The following AKAP12 variants were observed in gnomAD, a reference collection of about 807,000 sequenced individuals.
The protein encoded by AKAP12 is A-kinase anchor protein 12.
A neutral mutation model predicts 79.9 loss-of-function variants in AKAP12; 32 were observed. The ratio of observed to expected loss-of-function variants is 0.40; its 90% CI spans 0.30 to 0.54. AKAP12 has a LOEUF of 0.54. AKAP12 is among the 20% of genes least tolerant of loss of function. AKAP12 has a pLI of 0.48. For synonymous variants in AKAP12, 808 were observed against 857.0 expected, an observed-to-expected ratio of 0.94 and a Z score of 1.00; for missense variants, 2,074 against 2,177.0, an observed-to-expected ratio of 0.95 and a Z score of 0.94.
intron 2 of AKAP12, among the ~76,000 whole-genome samples, chr6:151,256,131 A>C (rs557150220): frequency 6.6e-6 from 1 of 152,330 alleles, no homozygotes; most frequent in South Asian, 2.1e-4. Context: ...CGAGAGAAAG[A>C]ACCACTGAAT....
rs1429611874 is a variant in AKAP12 at position 151,357,386 on chromosome 6, C to T, written c.*1672C>T. The T allele has an allele frequency of 6.6e-6, 1 of 152,154 alleles. No homozygotes were observed. The highest frequency in any genetic ancestry group is 2.4e-5 in the African/African-American group (1 of 41,426). The allele number at this position is 152,154 out of a possible 1,614,324, so 9.4% of individuals were successfully genotyped here. A position where few individuals can be genotyped will look rare whatever the true frequency, so the allele number is the denominator to read the frequency against. Reference sequence around the variant, plus strand: ...TCTACTCTTGACACACAGAACTGGCCTGGCATATAGCTTTCCAGATTTTAC... The same window carrying T: ...TCTACTCTTGACACACAGAACTGGCTTGGCATATAGCTTTCCAGATTTTAC... On this transcript the variant is annotated 3_prime_UTR_variant, in exon 5 of 5. Transcript: ENST00000402676.
At chr6:151,324,589 C>T in intron 3 of AKAP12, 1 of 985,386 alleles carries the variant, frequency 1.0e-6, no homozygotes, top group Non-Finnish European at 1.2e-6. Context: ...ACAAGATCTT[C>T]ATTCTCTGAA....
chr6:151,305,065 C>T (rs970200445), intron 2 of AKAP12, among the ~76,000 whole-genome samples: 6 of 152,328 alleles, frequency 3.9e-5, no homozygotes, highest in African/African-American at 1.2e-4. Context: ...CTCTGCACCC[C>T]GTTTATCCTT....
At chr6:151,324,153 A>G (rs1777465271) in intron 3 of AKAP12, 1 of 985,252 alleles carries the variant, frequency 1.0e-6, no homozygotes, top group African/African-American at 1.7e-5. Context: ...AATTTGTGAA[A>G]TAGAGTTGAG....
intron 2 of AKAP12, among the ~76,000 whole-genome samples, chr6:151,242,205 C>A (rs1796991933): frequency 6.6e-6 from 1 of 152,208 alleles, no homozygotes; most frequent in African/African-American, 2.4e-5. Context: ...TAAAAACTTG[C>A]AGTTGGGTGA....
At chr6:151,282,526 A>G (rs540633865) in intron 2 of AKAP12, among the ~76,000 whole-genome samples, 1 of 152,256 alleles carries the variant, frequency 6.6e-6, no homozygotes, top group South Asian at 2.1e-4. Flanking sequence ...CCCAGGGAAG[A>G]GGCTTGCATA....
intron 3 of AKAP12, among the ~76,000 whole-genome samples, chr6:151,323,555 A>AC (rs951554790): frequency 2.2e-5 from 3 of 136,144 alleles, no homozygotes; most frequent in African/African-American, 8.3e-5. Context: ...CTCCATCTCA[A>AC]AAAAAAAAAA....
At chr6:151,254,273 G>C (rs1442274289) in intron 2 of AKAP12, among the ~76,000 whole-genome samples, 1 of 152,010 alleles carries the variant, frequency 6.6e-6, no homozygotes, top group Non-Finnish European at 1.5e-5. Flanking sequence ...CAGTTGATTG[G>C]TTTTATAGCT....
intron 2 of AKAP12, among the ~76,000 whole-genome samples, chr6:151,253,437 A>G: frequency 6.6e-6 from 1 of 152,120 alleles, no homozygotes; most frequent in Non-Finnish European, 1.5e-5. Context: ...TGTGTTGCCC[A>G]GGCTGGTCTC....
chr6:151,303,202 TA>T (rs1018481325), intron 2 of AKAP12, among the ~76,000 whole-genome samples: 4 of 151,726 alleles, frequency 2.6e-5, no homozygotes, highest in Non-Finnish European at 5.9e-5. Context: ...AAAATAAAAA[TA>T]AAAAAAAGAA....
intron 2 of AKAP12, among the ~76,000 whole-genome samples, chr6:151,276,695 C>A (rs1388984285): frequency 6.6e-6 from 1 of 152,220 alleles, no homozygotes; most frequent in Non-Finnish European, 1.5e-5. Flanking sequence ...ACTAGGGGAT[C>A]CAAGACTTGA....
intron 2 of AKAP12, among the ~76,000 whole-genome samples, chr6:151,293,023 A>G (rs898838848): frequency 8.5e-5 from 13 of 152,282 alleles, no homozygotes; most frequent in African/African-American, 3.1e-4. Flanking sequence ...AATTTTTTGA[A>G]CTTTAAAATC....
At chr6:151,292,588 G>A (rs1488634863) in intron 2 of AKAP12, among the ~76,000 whole-genome samples, 3 of 152,162 alleles carry the variant, frequency 2.0e-5, no homozygotes, top group East Asian at 1.9e-4. Flanking sequence ...AGTTTTTGCC[G>A]GATGAGGAAC....
In AKAP12 at chr6:151,350,224, A is replaced by G. The variant is rs1778243034; in HGVS notation, c.1833A>G (p.Ala611=). ...AAAGAGAAGGTGTCACTCCCTGGGCATCATTCAAAAAGATGGTGACGCCCA... is the reference window on the plus strand; with the variant it reads ...AAAGAGAAGGTGTCACTCCCTGGGCGTCATTCAAAAAGATGGTGACGCCCA... The part of the protein sequence containing the change: ...EKKREGVTPW[A]SFKKMVTPKK... The change falls in exon 4 of 5, where the codon GCA becomes GCG. Residue 611 remains alanine, a synonymous_variant. Transcript: ENST00000402676. This position sits in a 1 kb window ranked among gnomAD's most constrained non-coding sequence, Gnocchi z 4.8. 3.1e-6 allele frequency: 5 copies of G among 1,614,098 alleles called. No homozygotes were observed. Among genetic ancestry groups the G allele is most frequent in the African/African-American group, 1.3e-5 (1 of 75,032 alleles).
At chr6:151,341,674 A>C (rs1777953043) in intron 3 of AKAP12, 1 of 1,178,188 alleles carries the variant, frequency 8.5e-7, no homozygotes, top group Non-Finnish European at 1.1e-6. Flanking sequence ...GCCCTGGTGG[A>C]GTAAACTCTG....
At position 151,356,294 on chromosome 6, in the gene AKAP12, G is replaced by C. The variant is rs1287009485; in HGVS notation, c.*580G>C. The stretch of plus-strand genomic sequence containing the variant: ...TTCTTTAAAATTCACTAATGATTGA[G>C]GTCCATATTTAGTGGTACTCTGAAA... On this transcript the variant is annotated 3_prime_UTR_variant, in exon 5 of 5. Transcript: ENST00000402676. 1 of 152,522 alleles carries C rather than the reference G, an allele frequency of 6.6e-6. No individual in the cohort carries two copies. The allele number at this position is 152,522 out of a possible 1,614,324, so 9.4% of individuals were successfully genotyped here.
chr6:151,289,786 A>C (rs755559148), intron 2 of AKAP12, among the ~76,000 whole-genome samples: 1 of 152,208 alleles, frequency 6.6e-6, no homozygotes, highest in Non-Finnish European at 1.5e-5. Flanking sequence ...CACCAGGTTA[A>C]CTTTGTAAAG....
chr6:151,265,935 G>C (rs1025446056), intron 2 of AKAP12, among the ~76,000 whole-genome samples: 2 of 152,136 alleles, frequency 1.3e-5, no homozygotes, highest in Non-Finnish European at 2.9e-5. Flanking sequence ...TCCTTTAGTT[G>C]GTCTTTTTGT....
intron 2 of AKAP12, among the ~76,000 whole-genome samples, chr6:151,290,289 G>A (rs1776590309): frequency 6.6e-6 from 1 of 152,166 alleles, no homozygotes. Context: ...ACACCCTACA[G>A]GGAGGGTGGG....
Sources: allele counts gnomAD v4.1 joint callset (sites outside exome capture counted in the v4.1 genomes callset), GRCh38; gene constraint gnomAD v4.1.1; non-coding constraint Gnocchi (gnomAD v3.1); transcripts MANE v1.5; gene names NCBI Gene and HGNC (gene_info 2026-07-23, HGNC 2026-07-21).